The following FBXL13 variants were observed in gnomAD, a reference collection of about 807,000 sequenced individuals.
The protein encoded by FBXL13 is F-box and leucine-rich repeat protein 13.
A neutral mutation model predicts 83.6 loss-of-function variants in FBXL13; 67 were observed. The observed-to-expected ratio is 0.80, with a 90% CI of 0.66 to 0.98. The LOEUF is 0.98. Ranked by LOEUF, FBXL13 falls within the 50% of genes least tolerant of loss-of-function variation. The probability of loss-of-function intolerance (pLI) is 0.00; values close to 1 mark genes in which losing one functional copy is unlikely to be tolerated. For missense variants in FBXL13, 822 were observed against 866.5 expected (o/e 0.95, Z 0.64); for synonymous variants, 272 against 299.5 (o/e 0.91, Z 0.95).
chr7:103,010,558 C>T (rs1791493044), intron 6 of FBXL13, among the ~76,000 whole-genome samples: 1 of 152,130 alleles, frequency 6.6e-6, no homozygotes, highest in Non-Finnish European at 1.5e-5. Flanking sequence ...TGAATTCTAC[C>T]TCAGTCTATA....
intron 8 of FBXL13, among the ~76,000 whole-genome samples, chr7:102,953,497 A>G (rs1823754479): frequency 6.6e-6 from 1 of 152,194 alleles, no homozygotes; most frequent in African/African-American, 2.4e-5. Flanking sequence ...AAGTAGGAAT[A>G]TATGGGAGCT....
intron 1 of FBXL13, among the ~76,000 whole-genome samples, chr7:103,062,025 CAAAAA>C (rs59881447): frequency 2.0e-5 from 2 of 99,798 alleles, no homozygotes; most frequent in Non-Finnish European, 3.7e-5. Flanking sequence ...TCATAATTAC[CAAAAA>C]AAAAAAAAAA....
At chr7:102,879,837 G>A (rs927037491) in intron 14 of FBXL13, among the ~76,000 whole-genome samples, 4 of 152,190 alleles carry the variant, frequency 2.6e-5, no homozygotes, top group African/African-American at 9.7e-5. Context: ...CTCCCGAGTA[G>A]CTAGGACTAC....
At chr7:103,005,507 A>G (rs917462663) in intron 6 of FBXL13, among the ~76,000 whole-genome samples, 63 of 152,322 alleles carry the variant, frequency 4.1e-4, no homozygotes, top group African/African-American at 1.5e-3. Flanking sequence ...TGGATTGCTT[A>G]AGCAACAGAA....
intron 8 of FBXL13, among the ~76,000 whole-genome samples, chr7:102,955,926 G>T (rs112725259): frequency 9.9e-5 from 15 of 152,032 alleles, no homozygotes; most frequent in Admixed American, 3.3e-4. Context: ...AGGACCAGAC[G>T]GATTCACAGC....
intron 6 of FBXL13, among the ~76,000 whole-genome samples, chr7:103,000,683 T>A (rs1242960972): frequency 6.6e-6 from 1 of 152,148 alleles, no homozygotes; most frequent in African/African-American, 2.4e-5. Context: ...CAGAGTGGGG[T>A]GTTGAAGTCC....
intron 2 of FBXL13, 32 bp from the exon 4 acceptor site, chr7:103,029,450 A>G (rs749927462): frequency 1.6e-6 from 2 of 1,252,422 alleles, no homozygotes; most frequent in Non-Finnish European, 2.2e-6. Flanking sequence ...AATAACAAAT[A>G]TTAGAAATAA....
intron 6 of FBXL13, among the ~76,000 whole-genome samples, chr7:103,002,129 G>A (rs1790464577): frequency 1.3e-5 from 2 of 151,524 alleles, no homozygotes; most frequent in Admixed American, 1.3e-4. Context: ...CTTTTCTCTG[G>A]TGGTAATGTT....
At chr7:103,068,175 G>A (rs956872983) in intron 1 of FBXL13, among the ~76,000 whole-genome samples, 4 of 152,294 alleles carry the variant, frequency 2.6e-5, no homozygotes, top group South Asian at 4.1e-4. Context: ...AATACTGCGG[G>A]CACAAGAACA....
chr7:103,034,019 A>G (rs1452427807), intron 2 of FBXL13, among the ~76,000 whole-genome samples: 3 of 152,332 alleles, frequency 2.0e-5, no homozygotes, highest in East Asian at 3.9e-4. Context: ...CAGAGTGTCG[A>G]TTGGTGCATT....
At chr7:102,849,898 G>A (rs1804885468) in intron 17 of FBXL13, among the ~76,000 whole-genome samples, 1 of 151,700 alleles carries the variant, frequency 6.6e-6, no homozygotes, top group South Asian at 2.1e-4. Flanking sequence ...GAGGGTGAGG[G>A]GAGGGAACTC....
chr7:102,965,730 A>T (rs1350788229), intron 7 of FBXL13, among the ~76,000 whole-genome samples: 1 of 152,226 alleles, frequency 6.6e-6, no homozygotes, highest in Non-Finnish European at 1.5e-5. Flanking sequence ...AACAATAAAA[A>T]ATAAGCAAAT....
At chr7:102,957,163 C>T (rs1824399441) in intron 8 of FBXL13, among the ~76,000 whole-genome samples, 1 of 152,200 alleles carries the variant, frequency 6.6e-6, no homozygotes, top group Non-Finnish European at 1.5e-5. Flanking sequence ...ACCAAAACGG[C>T]ATGGTACTGG....
intron 8 of FBXL13, among the ~76,000 whole-genome samples, chr7:102,943,511 GA>G (rs1436133652): frequency 6.6e-6 from 1 of 152,104 alleles, no homozygotes; most frequent in African/African-American, 2.4e-5. Context: ...TATCAATCCA[GA>G]AATTCTCTCC....
intron 1 of FBXL13, among the ~76,000 whole-genome samples, chr7:103,066,477 T>A (rs1798401099): frequency 6.6e-6 from 1 of 151,900 alleles, no homozygotes. Context: ...CTGCAAGCTC[T>A]GCCTCCCGGG....
chr7:102,827,603 GC>G (rs1215045336), intron 18 of FBXL13, among the ~76,000 whole-genome samples: 1 of 151,478 alleles, frequency 6.6e-6, no homozygotes, highest in African/African-American at 2.4e-5. Context: ...GTATACATGT[GC>G]CATGTTGGTG....
intron 6 of FBXL13, among the ~76,000 whole-genome samples, chr7:102,971,800 C>T (rs1219866498): frequency 3.3e-5 from 5 of 151,852 alleles, no homozygotes; most frequent in African/African-American, 1.2e-4. Flanking sequence ...CCAAGGTGGG[C>T]GGATCACCTG....
At chr7:103,028,622 T>C (rs746338552) in exon 4 of FBXL13, 4 of 1,579,730 alleles carry the variant, frequency 2.5e-6, no homozygotes, top group Non-Finnish European at 3.4e-6. Flanking sequence ...CTTTCTGGTC[T>C]TCCATATAAG....
At chr7:102,850,629 T>C (rs1222961790) in intron 17 of FBXL13, among the ~76,000 whole-genome samples, 1 of 152,234 alleles carries the variant, frequency 6.6e-6, no homozygotes, top group Non-Finnish European at 1.5e-5. Flanking sequence ...ATGGCTTAAC[T>C]TTAGAGGAAT....
Sources: allele counts gnomAD v4.1 joint callset (sites outside exome capture counted in the v4.1 genomes callset), GRCh38; gene constraint gnomAD v4.1.1; transcripts MANE v1.5; gene names NCBI Gene and HGNC (gene_info 2026-07-23, HGNC 2026-07-21).